Variants in DNAL1 observed in about 807,000 individuals in gnomAD.
DNAL1 encodes the protein dynein axonemal light chain 1, also known as chromosome 14 open reading frame 168.
In DNAL1, 17 loss-of-function variants were observed where a neutral mutation model predicts 29.4. The ratio of observed to expected loss-of-function variants is 0.58; its 90% CI spans 0.40 to 0.87. The LOEUF is 0.87. Among genes scored for constraint, DNAL1 ranks in the 40% least tolerant of loss-of-function variants. DNAL1 has a pLI of 0.00. For synonymous variants in DNAL1, 78 were observed against 76.3 expected (o/e 1.02, Z -0.12); for missense variants, 188 against 214.1 (o/e 0.88, Z 0.76).
chr14:73,662,462 G>A (rs1313941424), intron 4 of DNAL1, among the ~76,000 whole-genome samples: 1 of 152,016 alleles, frequency 6.6e-6, no homozygotes, highest in Admixed American at 6.6e-5. Flanking sequence ...AGTTTCCTAC[G>A]GCTGCTGTAA....
intron 4 of DNAL1, among the ~76,000 whole-genome samples, chr14:73,667,748 T>G (rs1330074908): frequency 3.3e-5 from 5 of 152,130 alleles, no homozygotes; most frequent in Non-Finnish European, 5.9e-5. Context: ...GCAATCTGCC[T>G]GCCTTGGCCT....
chr14:73,671,526 T>C lies in DNAL1; in HGVS notation c.209-16T>C. On this transcript the variant is annotated splice_polypyrimidine_tract_variant and intron_variant, in intron 4 of 7. Transcript: ENST00000553645. The stretch of plus-strand genomic sequence containing the variant: ...ATGATTCTAGTAAACAAAAAAATGT[T>C]TTCTTTTCACTACAGAAAACTTGAG... The C allele has an allele frequency of 6.9e-7, 1 of 1,450,478 alleles. No homozygotes were observed. The highest frequency in any genetic ancestry group is 9.1e-7 in the Non-Finnish European group (1 of 1,095,628). 89.9% of individuals were successfully genotyped at this position (1,450,478 alleles called of 1,614,324 possible). A position where few individuals can be genotyped will look rare whatever the true frequency, so the allele number is the denominator to read the frequency against.
At chr14:73,680,330 A>G (rs932790514) in intron 5 of DNAL1, among the ~76,000 whole-genome samples, 3 of 152,168 alleles carry the variant, frequency 2.0e-5, no homozygotes, top group African/African-American at 7.2e-5. Flanking sequence ...ATCTTTGTCC[A>G]TGTATGAAAA....
At chr14:73,694,236 C>CAA (rs1566893193) in intron 7 of DNAL1, among the ~76,000 whole-genome samples, 4 of 77,988 alleles carry the variant, frequency 5.1e-5, no homozygotes, top group Non-Finnish European at 8.0e-5. Flanking sequence ...CAAGCCCTGT[C>CAA]TATAAATAAA....
At chr14:73,665,261 C>T (rs75106089) in intron 4 of DNAL1, among the ~76,000 whole-genome samples, 5,295 of 152,048 alleles carry the variant, frequency 0.035, 336 homozygotes, top group African/African-American at 0.12. Context: ...AGTTGGCCTT[C>T]GGTATTTACA....
rs930554524 is a variant in DNAL1, at chr14:73,699,267, T to C, written c.*3325T>C. 1 of 152,062 alleles carries C rather than the reference T, an allele frequency of 6.6e-6. No homozygotes were observed. 9.4% of individuals were successfully genotyped at this position (152,062 alleles called of 1,614,324 possible). On this transcript the variant is annotated 3_prime_UTR_variant, in exon 8 of 8. Transcript: ENST00000553645. ...GAGAAGGTGATGTATTCAGTAATCA[T>C]GGATGGAAAGAAATGGTCACTGGTA...
intron 5 of DNAL1, among the ~76,000 whole-genome samples, chr14:73,678,141 G>T (rs1891789883): frequency 6.6e-6 from 1 of 151,728 alleles, no homozygotes. Flanking sequence ...CGAGCAATCT[G>T]CCCATGTCGG....
intron 7 of DNAL1, among the ~76,000 whole-genome samples, chr14:73,693,818 G>T (rs1005797813): frequency 3.9e-5 from 6 of 152,092 alleles, no homozygotes; most frequent in African/African-American, 1.4e-4. Context: ...GGCAGTTTTG[G>T]GGGTTCTGAT....
intron 5 of DNAL1, among the ~76,000 whole-genome samples, chr14:73,685,725 G>T (rs1209858139): frequency 6.6e-6 from 1 of 152,118 alleles, no homozygotes; most frequent in African/African-American, 2.4e-5. Flanking sequence ...GCTTCCCAAA[G>T]TATTGGGATT....
chr14:73,663,162 G>A (rs1271074003), intron 4 of DNAL1, among the ~76,000 whole-genome samples: 1 of 150,284 alleles, frequency 6.7e-6, no homozygotes, highest in Non-Finnish European at 1.5e-5. Flanking sequence ...AATAAAGTTT[G>A]CAAGACAGTA....
intron 7 of DNAL1, among the ~76,000 whole-genome samples, chr14:73,690,053 A>G (rs1224557663): frequency 1.3e-4 from 1 of 7,484 alleles, no homozygotes; most frequent in African/African-American, 1.1e-3. Flanking sequence ...AAAAAAAAAG[A>G]AAAGAAAAGA....
At chr14:73,674,518 G>A (rs768628195) in intron 5 of DNAL1, among the ~76,000 whole-genome samples, 2 of 152,022 alleles carry the variant, frequency 1.3e-5, no homozygotes, top group Non-Finnish European at 2.9e-5. Context: ...CCCAATCACC[G>A]TATATCTAAA....
intron 5 of DNAL1, among the ~76,000 whole-genome samples, chr14:73,683,168 G>A (rs976854963): frequency 3.3e-5 from 5 of 151,970 alleles, no homozygotes; most frequent in African/African-American, 7.3e-5. Flanking sequence ...GAGCCACCGC[G>A]CCCAGCCTAC....
chr14:73,656,984 A>G (rs1399008829), intron 2 of DNAL1, among the ~76,000 whole-genome samples: 1 of 151,702 alleles, frequency 6.6e-6, no homozygotes, highest in East Asian at 1.9e-4. Context: ...GGGTCTCACT[A>G]TATTGCCCAG....
chr14:73,692,340 C>T lies in DNAL1; in HGVS notation c.532+2825C>T, dbSNP rs143156477. ...CTACTAAAAATACAAAAATTAGCTG[C>T]GTGTGGTGGCAGGCGCCTATAATCC... On this transcript the variant is annotated intron_variant, in intron 7 of 7. Transcript: ENST00000553645. 9.8e-3 allele frequency among the ~76,000 whole-genome samples: 1,494 copies of T among 151,930 alleles called. 25 individuals are homozygous for T. The highest frequency in any genetic ancestry group is 0.028 in the African/African-American group (1,178 of 41,454).
chr14:73,687,938 G>A (rs957635542), intron 6 of DNAL1, among the ~76,000 whole-genome samples: 1 of 151,602 alleles, frequency 6.6e-6, no homozygotes, highest in African/African-American at 2.4e-5. Flanking sequence ...GTATACATAC[G>A]TAACAAACCT....
intron 4 of DNAL1, among the ~76,000 whole-genome samples, chr14:73,670,036 G>A (rs1280365553): frequency 6.6e-6 from 1 of 151,682 alleles, no homozygotes; most frequent in Non-Finnish European, 1.5e-5. Context: ...ACTTACCATG[G>A]GTTACACATT....
At chr14:73,675,193 C>G (rs1177440536) in intron 5 of DNAL1, among the ~76,000 whole-genome samples, 1 of 151,516 alleles carries the variant, frequency 6.6e-6, no homozygotes. Flanking sequence ...TGTTCTCTCT[C>G]TCTCTCTCTC....
intron 5 of DNAL1, among the ~76,000 whole-genome samples, chr14:73,681,101 GT>G (rs1891863844): frequency 6.6e-6 from 1 of 150,872 alleles, no homozygotes; most frequent in Non-Finnish European, 1.5e-5. Context: ...TTTTGTTGTT[GT>G]TGTTATTTGT....
Sources: gnomAD v4.1 joint callset for allele counts (sites outside exome capture counted in the v4.1 genomes callset) on GRCh38, gnomAD v4.1.1 for gene constraint, MANE v1.5 for transcripts, NCBI Gene and HGNC (gene_info 2026-07-23, HGNC 2026-07-21) for gene names.